Variants in GNAQ observed in about 807,000 individuals in gnomAD.
The protein encoded by GNAQ is guanine nucleotide-binding protein G(q) subunit alpha.
GNAQ carries 8 observed loss-of-function variants against 43.9 expected under a neutral mutation model. That is an observed-to-expected ratio of 0.18 (90% CI 0.11 to 0.33). GNAQ has a LOEUF of 0.33. GNAQ is among the 10% of genes least tolerant of loss of function. The pLI, the probability that GNAQ is intolerant of heterozygous loss-of-function variation, is 1.00. For missense variants in GNAQ, 158 were observed against 450.8 expected (o/e 0.35, Z 5.88); for synonymous variants, 155 against 170.7 (o/e 0.91, Z 0.71).
intron 2 of GNAQ, among the ~76,000 whole-genome samples, chr9:77,908,302 T>C (rs1828744864): frequency 1.3e-5 from 2 of 152,184 alleles, no homozygotes; most frequent in Non-Finnish European, 2.9e-5. Flanking sequence ...CCCACTTTCA[T>C]TGACATTCTG....
chr9:78,020,611 C>T (rs1396722593), intron 1 of GNAQ, among the ~76,000 whole-genome samples: 2 of 152,176 alleles, frequency 1.3e-5, no homozygotes, highest in Non-Finnish European at 2.9e-5. Flanking sequence ...GAAGAGGCAG[C>T]ATTGGTCTGG....
chr9:77,849,829 C>T (rs192466538), intron 2 of GNAQ, among the ~76,000 whole-genome samples: 68 of 152,244 alleles, frequency 4.5e-4, no homozygotes, highest in Admixed American at 1.4e-3. Context: ...CCATGCCTGG[C>T]TAATTTTTAA....
chr9:77,817,150 G>A lies in GNAQ; in HGVS notation c.322-1380C>T, dbSNP rs575303054. On this transcript the variant is annotated intron_variant, in intron 2 of 6. Transcript: ENST00000286548. ...CTGGAGTCCTGTTCCTGAATCCCACGCCAGGTGGGGCCCACCTCAATCATC... is the reference window on the plus strand; with the variant it reads ...CTGGAGTCCTGTTCCTGAATCCCACACCAGGTGGGGCCCACCTCAATCATC... Among the ~76,000 whole-genome samples, 9 of 152,198 alleles carry A rather than the reference G, an allele frequency of 5.9e-5. No homozygotes were observed. The South Asian group carries it at 6.2e-4, about 11-fold the overall frequency.
intron 2 of GNAQ, among the ~76,000 whole-genome samples, chr9:77,877,305 T>A (rs979875620): frequency 6.6e-6 from 1 of 152,202 alleles, no homozygotes; most frequent in Admixed American, 6.5e-5. Context: ...TCATTGGTTT[T>A]TCATGAACTT....
At chr9:77,836,753 G>A (rs1353476550) in intron 2 of GNAQ, among the ~76,000 whole-genome samples, 1 of 151,848 alleles carries the variant, frequency 6.6e-6, no homozygotes, top group Non-Finnish European at 1.5e-5. Flanking sequence ...TTATATCACA[G>A]GTAATTATTA....
In GNAQ at chr9:77,893,333, T is replaced by A. The variant is rs548190210; in HGVS notation, c.321+28828A>T. ...ATTGCTCAATTATCACACATTAGCATGCTAAAAGACACTCCCACCAGCATC... is the reference window on the plus strand; with the variant it reads ...ATTGCTCAATTATCACACATTAGCAAGCTAAAAGACACTCCCACCAGCATC... On this transcript the variant is annotated intron_variant, in intron 2 of 6. Coordinates refer to ENST00000286548, the MANE Select transcript of GNAQ (RefSeq NM_002072.5). 2.0e-5 allele frequency among the ~76,000 whole-genome samples: 3 copies of A among 152,310 alleles called. No individual in the cohort carries two copies. The South Asian group carries it at 6.2e-4, about 32-fold the overall frequency.
chr9:77,889,923 TGTCAAA>T (rs1297842549), intron 2 of GNAQ, among the ~76,000 whole-genome samples: 1 of 152,182 alleles, frequency 6.6e-6, no homozygotes, highest in Non-Finnish European at 1.5e-5. Context: ...CCGAAATGTT[TGTCAAA>T]GTCAAATTGT....
chr9:77,784,991 T>C, intron 5 of GNAQ, among the ~76,000 whole-genome samples: 1 of 152,132 alleles, frequency 6.6e-6, no homozygotes. Context: ...TTGGTGGGAG[T>C]GCCAACTCTT....
At chr9:77,734,177 A>T (rs1825537741) in intron 5 of GNAQ, among the ~76,000 whole-genome samples, 1 of 152,218 alleles carries the variant, frequency 6.6e-6, no homozygotes, top group Non-Finnish European at 1.5e-5. Context: ...TCAGCATTAA[A>T]CTAGAGATTT....
intron 1 of GNAQ, among the ~76,000 whole-genome samples, chr9:77,960,838 T>A (rs1463473341): frequency 2.0e-5 from 3 of 152,164 alleles, no homozygotes; most frequent in African/African-American, 7.2e-5. Context: ...AGAGTTTACA[T>A]CCTTTCCTGT....
intron 1 of GNAQ, among the ~76,000 whole-genome samples, chr9:77,928,532 G>T (rs933662163): frequency 1.3e-5 from 2 of 152,124 alleles, no homozygotes; most frequent in African/African-American, 4.8e-5. Flanking sequence ...GTATTAGAAG[G>T]TCATGTCAGT....
intron 2 of GNAQ, among the ~76,000 whole-genome samples, chr9:77,868,109 A>G (rs534186017): frequency 6.6e-6 from 1 of 152,238 alleles, no homozygotes; most frequent in African/African-American, 2.4e-5. Flanking sequence ...AATATACTTT[A>G]GACTTTATAA....
Position 77,864,334 on chromosome 9 carries a change from T to C in GNAQ, c.322-48564A>G, listed in dbSNP as rs573086173. Among the ~76,000 whole-genome samples, 9 of 152,202 alleles carry C rather than the reference T, an allele frequency of 5.9e-5. No homozygotes were observed. In the South Asian group the frequency reaches 1.7e-3, roughly 28 times the overall value. ...CAACACTTGGGGTCAAATTTCAACA[T>C]GAGACTTGGCAAGGCCAAACAAACC... is the stretch of plus-strand genomic sequence containing the variant. On this transcript the variant is annotated intron_variant, in intron 2 of 6. Transcript: ENST00000286548.
Position 77,829,657 on chromosome 9 carries a change from G to A in GNAQ, c.322-13887C>T, listed in dbSNP as rs537144330. On this transcript the variant is annotated intron_variant, in intron 2 of 6. Coordinates refer to ENST00000286548, the MANE Select transcript of GNAQ (RefSeq NM_002072.5). ...GAATGAATCAGAGAACAGAGGGGAG[G>A]GCTGATGTAGCTCTTGGACTCAAAG... Among the ~76,000 whole-genome samples the A allele has an allele frequency of 3.9e-5, 6 of 152,250 alleles. No individual in the cohort carries two copies. The South Asian group carries it at 1.2e-3, about 32-fold the overall frequency.
intron 2 of GNAQ, among the ~76,000 whole-genome samples, chr9:77,867,683 T>C (rs924906938): frequency 6.6e-6 from 1 of 152,290 alleles, no homozygotes; most frequent in Non-Finnish European, 1.5e-5. Flanking sequence ...CAACAGTAAC[T>C]GTGTATGGAA....
intron 6 of GNAQ, among the ~76,000 whole-genome samples, chr9:77,727,349 T>C (rs1444874432): frequency 6.6e-6 from 1 of 152,208 alleles, no homozygotes; most frequent in Non-Finnish European, 1.5e-5. Context: ...CAGTCGTGAC[T>C]CTCACTTGTT....
intron 5 of GNAQ, among the ~76,000 whole-genome samples, chr9:77,755,698 G>C (rs1387723172): frequency 6.6e-6 from 1 of 152,158 alleles, no homozygotes; most frequent in Admixed American, 6.5e-5. Flanking sequence ...AACAGCATTT[G>C]GGTTGAGGAT....
At chr9:77,909,968 T>G (rs537941100) in intron 2 of GNAQ, among the ~76,000 whole-genome samples, 6 of 152,206 alleles carry the variant, frequency 3.9e-5, no homozygotes, top group African/African-American at 1.4e-4. Flanking sequence ...TGGATATACA[T>G]GCTTGTACTA....
intron 2 of GNAQ, among the ~76,000 whole-genome samples, chr9:77,864,315 T>C (rs967793567): frequency 6.6e-6 from 1 of 151,938 alleles, no homozygotes; most frequent in African/African-American, 2.4e-5. Context: ...CCTCCAACAC[T>C]TGGGGTCAAA....
Sources: allele counts gnomAD v4.1 joint callset (sites outside exome capture counted in the v4.1 genomes callset), GRCh38; gene constraint gnomAD v4.1.1; transcripts MANE v1.5; gene names NCBI Gene and HGNC (gene_info 2026-07-23, HGNC 2026-07-21).